The following CR2 variants were observed in gnomAD, a reference collection of about 807,000 sequenced individuals.
The protein encoded by CR2 is complement receptor type 2.
A neutral mutation model predicts 123.0 loss-of-function variants in CR2; 96 were observed. The ratio of observed to expected loss-of-function variants is 0.78; its 90% CI spans 0.66 to 0.93. The LOEUF is 0.93. Among genes scored for constraint, CR2 ranks in the 40% least tolerant of loss-of-function variants. The probability of loss-of-function intolerance (pLI) is 0.00; values close to 1 mark genes in which losing one functional copy is unlikely to be tolerated. For missense variants in CR2, 1,258 were observed against 1,361.0 expected, an observed-to-expected ratio of 0.92 and a Z score of 1.19; for synonymous variants, 484 against 469.5, an observed-to-expected ratio of 1.03 and a Z score of -0.40.
chr1:207,478,112 G>T, intron 16 of CR2, 42 bp downstream of exon 16: 1 of 1,590,316 alleles, frequency 6.3e-7, no homozygotes, highest in East Asian at 2.3e-5. Context: ...ACTGGCTAAC[G>T]GAGAGAAGAG....
At chr1:207,486,947 T>G (rs1281492873) in intron 19 of CR2, among the ~76,000 whole-genome samples, 1 of 152,242 alleles carries the variant, frequency 6.6e-6, no homozygotes, top group African/African-American at 2.4e-5. Context: ...GTCTGTATTT[T>G]GGGCAATTGG....
chr1:207,487,660 T>G (rs1658786992), intron 19 of CR2, among the ~76,000 whole-genome samples: 1 of 152,142 alleles, frequency 6.6e-6, no homozygotes, highest in Admixed American at 6.5e-5. Context: ...ATTGGAGAAA[T>G]AGCAGTTATG....
At chr1:207,484,378 A>G (rs748347631) in intron 18 of CR2, among the ~76,000 whole-genome samples, 4 of 152,258 alleles carry the variant, frequency 2.6e-5, no homozygotes, top group Non-Finnish European at 4.4e-5. Context: ...AATAATTGAT[A>G]AAGACACTTG....
chr1:207,460,266 G>T (rs1657933889), intron 1 of CR2, among the ~76,000 whole-genome samples: 3 of 152,110 alleles, frequency 2.0e-5, no homozygotes, highest in Admixed American at 2.0e-4. Flanking sequence ...TTTTGTAGTT[G>T]TTAATGGAGA....
At chr1:207,478,421 G>A (rs1162442926) in intron 16 of CR2, among the ~76,000 whole-genome samples, 9 of 149,982 alleles carry the variant, frequency 6.0e-5, no homozygotes, top group Non-Finnish European at 1.2e-4. Flanking sequence ...CCAGCTACTC[G>A]GGTAGCTGAG....
intron 12 of CR2, 80 bp downstream of exon 12, chr1:207,473,965 G>T: frequency 7.3e-7 from 1 of 1,361,390 alleles, no homozygotes; most frequent in East Asian, 2.3e-5. Flanking sequence ...TTGTCTTGGT[G>T]GCATCCTTTA....
chr1:207,478,222 T>C (rs1465433885), intron 16 of CR2, 152 bp downstream of exon 16: 2 of 887,488 alleles, frequency 2.3e-6, no homozygotes, highest in East Asian at 2.7e-5. Context: ...CAGTGGTCTA[T>C]TCTAGAAAAA....
chr1:207,475,914 A>G (rs1658423063), intron 14 of CR2, among the ~76,000 whole-genome samples: 1 of 152,218 alleles, frequency 6.6e-6, no homozygotes, highest in Admixed American at 6.5e-5. Context: ...TCTCGTAGAC[A>G]TTTGAAGGTG....
Position 207,474,247 on chromosome 1 carries a change from G to C in CR2, c.2247G>C (p.Gln749His). 1 of 1,611,944 alleles carries C rather than the reference G, an allele frequency of 6.2e-7. No individual in the cohort carries two copies. Among genetic ancestry groups the C allele is most frequent in the Non-Finnish European group, 8.5e-7 (1 of 1,178,100 alleles). ...ATAATCTGTCTCTCTGTAGGTACCA[G>C]TTGACTGGACATGCTTATCAGATGT... The part of the protein sequence containing the change: ...LVNTSCQDGY[Q>H]LTGHAYQMCQ... The change falls in exon 13 of 20, where the codon CAG becomes CAC. Residue 749 changes from glutamine to histidine, a missense_variant. Coordinates refer to ENST00000367057, the MANE Select transcript of CR2 (RefSeq NM_001006658.3).
chr1:207,480,080 G>T (rs756744771), intron 18 of CR2, 27 bp downstream of exon 18: 49 of 1,539,480 alleles, frequency 3.2e-5, no homozygotes, highest in Non-Finnish European at 4.2e-5. Flanking sequence ...ATACTTGATT[G>T]ACCAACATGC....
At chr1:207,473,277 G>A in intron 10 of CR2, 98 bp downstream of exon 10, 2 of 1,409,764 alleles carry the variant, frequency 1.4e-6, no homozygotes, top group Non-Finnish European at 2.0e-6. Flanking sequence ...AGGCAAGAGG[G>A]GCACAGATTA....
At chr1:207,466,422 G>A (rs1191919299) in intron 1 of CR2, 104 bp from the exon 2 acceptor site, 1 of 1,338,786 alleles carries the variant, frequency 7.5e-7, no homozygotes, top group African/African-American at 1.5e-5. Context: ...TTCTAAGTCT[G>A]TTTCTGAAAA....
intron 15 of CR2, among the ~76,000 whole-genome samples, chr1:207,477,144 C>G (rs997307811): frequency 3.3e-5 from 5 of 152,180 alleles, no homozygotes; most frequent in African/African-American, 1.2e-4. Flanking sequence ...ATATCTGAAA[C>G]TGGGTAATTT....
chr1:207,482,432 A>T (rs1197534974), intron 18 of CR2, among the ~76,000 whole-genome samples: 1 of 152,092 alleles, frequency 6.6e-6, no homozygotes, highest in Admixed American at 6.6e-5. Flanking sequence ...GGCTTTTAAA[A>T]CATTTGAGCA....
Position 207,466,602 on chromosome 1 carries a change from C to T in CR2, c.135C>T (p.Thr45=), listed in dbSNP as rs139230710. ...SYYSTPIAVG[T]VIRYSCSGTF... is the part of the protein sequence containing the mutation. ...ATTCTACCCCCATTGCTGTTGGTAC[C>T]GTGATAAGGTACAGTTGTTCAGGTA... is the stretch of plus-strand genomic sequence containing the variant. The change falls in exon 2 of 20, where the codon ACC becomes ACT. Residue 45 remains threonine, a synonymous_variant. Transcript: ENST00000367057. The T allele has an allele frequency of 1.4e-4, 231 of 1,613,962 alleles. 1 individual carries two copies. The highest frequency in any genetic ancestry group is 1.2e-3 in the South Asian group (106 of 91,076).
chr1:207,483,445 C>G (rs1221979917), intron 18 of CR2, among the ~76,000 whole-genome samples: 1 of 151,986 alleles, frequency 6.6e-6, no homozygotes, highest in Admixed American at 6.6e-5. Context: ...TTAGCGTGTA[C>G]TTAGAGTGTA....
At chr1:207,465,163 C>T (rs1295260724) in intron 1 of CR2, among the ~76,000 whole-genome samples, 3 of 152,144 alleles carry the variant, frequency 2.0e-5, no homozygotes, top group African/African-American at 7.2e-5. Context: ...CTCCTGACCT[C>T]AGGTGATCCA....
In CR2 at chr1:207,466,615, A is replaced by G. The variant is rs1658106070; in HGVS notation, c.148A>G (p.Ser50Gly). 1.9e-6 allele frequency: 3 copies of G among 1,614,032 alleles called. No individual in the cohort carries two copies. The highest frequency in any genetic ancestry group is 2.2e-5 in the East Asian group (1 of 44,884). Residue 50 changes from serine (S) to glycine (G), a missense_variant, in exon 2 of 20, where the codon AGT (serine) becomes GGT (glycine). Transcript: ENST00000367057. The stretch of plus-strand genomic sequence containing the variant: ...TGCTGTTGGTACCGTGATAAGGTAC[A>G]GTTGTTCAGGTACCTTCCGCCTCAT... ...PIAVGTVIRYSCSGTFRLIGE... is the reference protein window; with the variant it reads ...PIAVGTVIRYGCSGTFRLIGE...
Position 207,479,282 on chromosome 1 carries a change from T to C in CR2, c.3112+2T>C. 1 of 1,593,080 alleles carries C rather than the reference T, an allele frequency of 6.3e-7. No homozygotes were observed. The highest frequency in any genetic ancestry group is 8.6e-7 in the Non-Finnish European group (1 of 1,161,692). ...GTTCACTTGCTCCTGTCCTTTGTGGTAAGTCTTCTTAAATACTTGAAGAAA... is the reference window on the plus strand; with the variant it reads ...GTTCACTTGCTCCTGTCCTTTGTGGCAAGTCTTCTTAAATACTTGAAGAAA... On this transcript the variant is annotated splice_donor_variant, in intron 17 of 19. Coordinates refer to ENST00000367057, the MANE Select transcript of CR2 (RefSeq NM_001006658.3). LOFTEE classifies it high-confidence loss of function.
Sources: gnomAD v4.1 joint callset for allele counts (sites outside exome capture counted in the v4.1 genomes callset) on GRCh38, gnomAD v4.1.1 for gene constraint, MANE v1.5 for transcripts, NCBI Gene and HGNC (gene_info 2026-07-23, HGNC 2026-07-21) for gene names.